The following PRKN variants were observed in gnomAD, a reference collection of about 807,000 sequenced individuals.
PRKN encodes the protein parkin RBR E3 ubiquitin protein ligase.
In PRKN, 56 loss-of-function variants were observed where a neutral mutation model predicts 59.5. The ratio of observed to expected loss-of-function variants is 0.94; its 90% CI spans 0.76 to 1.18. PRKN has a LOEUF of 1.18. Ranked by LOEUF, PRKN falls within the 50% of genes most tolerant of loss-of-function variation. The pLI is 0.00. For synonymous variants in PRKN, 250 were observed against 222.1 expected (o/e 1.13, Z -1.12); for missense variants, 657 against 596.4 (o/e 1.10, Z -1.06).
intron 2 of PRKN, among the ~76,000 whole-genome samples, chr6:162,338,271 C>G (rs963349022): frequency 6.6e-6 from 1 of 152,134 alleles, no homozygotes; most frequent in Non-Finnish European, 1.5e-5. Context: ...CTCCCTCTCC[C>G]TACGGTCTCC....
At chr6:162,443,608 A>G (rs1459838070) in intron 1 of PRKN, 135 bp from the exon 2 acceptor site, 1 of 823,932 alleles carries the variant, frequency 1.2e-6, no homozygotes, top group African/African-American at 1.7e-5. Flanking sequence ...TTCACTTACA[A>G]CAAAAAACTT....
chr6:161,694,344 T>G (rs1667464370), intron 7 of PRKN, among the ~76,000 whole-genome samples: 1 of 152,120 alleles, frequency 6.6e-6, no homozygotes. Flanking sequence ...AAAATACCAA[T>G]CAGATGCACT....
At chr6:162,618,116 T>G (rs1029994133) in intron 1 of PRKN, among the ~76,000 whole-genome samples, 1 of 152,180 alleles carries the variant, frequency 6.6e-6, no homozygotes, top group Non-Finnish European at 1.5e-5. Flanking sequence ...TAAAAATAAA[T>G]TACTATTACA....
At chr6:161,997,146 C>T (rs1781878277) in intron 5 of PRKN, among the ~76,000 whole-genome samples, 1 of 152,088 alleles carries the variant, frequency 6.6e-6, no homozygotes, top group Non-Finnish European at 1.5e-5. Context: ...ATAGACAATT[C>T]CATTCTACTT....
At chr6:162,359,079 A>AAATATATATATATATATATATATATAT (rs57265104) in intron 2 of PRKN, among the ~76,000 whole-genome samples, 1 of 83,276 alleles carries the variant, frequency 1.2e-5, no homozygotes, top group African/African-American at 7.3e-5. Flanking sequence ...AAAAAAAAAA[A>AAATATATATATATATATATATATATAT]ATATATATAT....
In PRKN at chr6:161,777,304, G is replaced by A. The variant is rs1024142900; in HGVS notation, c.871+8468C>T. On this transcript the variant is annotated intron_variant, in intron 7 of 11. Coordinates refer to ENST00000366898, the MANE Select transcript of PRKN (RefSeq NM_004562.3). The stretch of plus-strand genomic sequence containing the variant: ...CCTTAGAAAGTATAACACAATATCT[G>A]GTCAAAGAATGAGTTCACACTAGGA... Among the ~76,000 whole-genome samples, 8 of 152,124 alleles carry A rather than the reference G, an allele frequency of 5.3e-5. No homozygotes were observed. In the South Asian group the frequency reaches 1.7e-3, roughly 32 times the overall value.
intron 6 of PRKN, among the ~76,000 whole-genome samples, chr6:161,966,618 C>CT (rs1780591212): frequency 6.6e-6 from 1 of 152,192 alleles, no homozygotes; most frequent in Non-Finnish European, 1.5e-5. Context: ...CCAGTTCTTG[C>CT]TTTTTGTTCA....
At chr6:162,443,249 G>C in intron 2 of PRKN, 61 bp downstream of exon 2, 1 of 1,552,846 alleles carries the variant, frequency 6.4e-7, no homozygotes, top group Non-Finnish European at 8.9e-7. Context: ...GATTGGCAGC[G>C]CAGGCGGCAT....
At chr6:161,836,796 G>A (rs1024866705) in intron 6 of PRKN, among the ~76,000 whole-genome samples, 21 of 152,226 alleles carry the variant, frequency 1.4e-4, no homozygotes, top group African/African-American at 4.1e-4. Flanking sequence ...CTGAACCGGG[G>A]AGAGGGACTC....
At chr6:162,676,137 G>C (rs1455976333) in intron 1 of PRKN, among the ~76,000 whole-genome samples, 1 of 152,140 alleles carries the variant, frequency 6.6e-6, no homozygotes, top group African/African-American at 2.4e-5. Context: ...AAATACAAAA[G>C]AAAGTGTTCA....
intron 5 of PRKN, among the ~76,000 whole-genome samples, chr6:162,047,210 C>A (rs140095204): frequency 1.0e-3 from 157 of 152,286 alleles, no homozygotes; most frequent in African/African-American, 3.6e-3. Context: ...AACACCAGGG[C>A]AGAAGGAAAA....
chr6:162,258,838 G>A (rs1015418453), intron 3 of PRKN, among the ~76,000 whole-genome samples: 5 of 152,156 alleles, frequency 3.3e-5, no homozygotes, highest in South Asian at 2.1e-4. Flanking sequence ...ACATGCTTGC[G>A]TTCTTAGTAC....
In PRKN at chr6:161,369,066, G is replaced by A. The variant is rs1785336718; in HGVS notation, c.1168-8861C>T. 6.6e-6 allele frequency among the ~76,000 whole-genome samples: 1 copy of A among 152,142 alleles called. No homozygotes were observed. Reference sequence around the variant, plus strand: ...AGGAGAAGCAGCTCTATGACACCCCGGGAGTGGGCGGTGCCCAGGCCACTG... The same window carrying A: ...AGGAGAAGCAGCTCTATGACACCCCAGGAGTGGGCGGTGCCCAGGCCACTG... On this transcript the variant is annotated intron_variant, in intron 10 of 11. Transcript: ENST00000366898. The surrounding 1 kb of genome is among the most constrained non-coding windows in gnomAD (Gnocchi z 5.8).
intron 1 of PRKN, among the ~76,000 whole-genome samples, chr6:162,653,972 C>T (rs919756976): frequency 9.9e-5 from 15 of 152,274 alleles, no homozygotes; most frequent in Non-Finnish European, 1.8e-4. Context: ...CAAGTACCTA[C>T]TCACTGGCAC....
At chr6:161,828,858 A>G (rs935293548) in intron 6 of PRKN, among the ~76,000 whole-genome samples, 1 of 151,720 alleles carries the variant, frequency 6.6e-6, no homozygotes, top group African/African-American at 2.4e-5. Flanking sequence ...TAAACCTGGG[A>G]GATGGAGGTT....
At chr6:162,431,590 T>G (rs1035152473) in intron 2 of PRKN, among the ~76,000 whole-genome samples, 2 of 151,932 alleles carry the variant, frequency 1.3e-5, no homozygotes, top group African/African-American at 4.8e-5. Context: ...AACAAAACTA[T>G]TTATAGGTTA....
chr6:161,860,963 T>C (rs1793872593), intron 6 of PRKN, among the ~76,000 whole-genome samples: 1 of 152,316 alleles, frequency 6.6e-6, no homozygotes, highest in East Asian at 1.9e-4. Context: ...GAAAAAGGAA[T>C]GCTCTTACAC....
chr6:162,534,873 C>A (rs1342184050), intron 1 of PRKN, among the ~76,000 whole-genome samples: 1 of 152,170 alleles, frequency 6.6e-6, no homozygotes, highest in Non-Finnish European at 1.5e-5. Flanking sequence ...AGCTACCAGG[C>A]AGGGCCCAAT....
chr6:161,555,643 C>A (rs1278838856), intron 8 of PRKN, among the ~76,000 whole-genome samples: 1 of 152,068 alleles, frequency 6.6e-6, no homozygotes, highest in Non-Finnish European at 1.5e-5. Flanking sequence ...GGGCTTTGTC[C>A]TGAGGAGGGC....
Sources: allele counts gnomAD v4.1 joint callset (sites outside exome capture counted in the v4.1 genomes callset), GRCh38; gene constraint gnomAD v4.1.1; non-coding constraint Gnocchi (gnomAD v3.1); transcripts MANE v1.5; gene names NCBI Gene and HGNC (gene_info 2026-07-23, HGNC 2026-07-21).